The following ATP11A variants were observed in gnomAD, a reference collection of about 807,000 sequenced individuals.
The protein encoded by ATP11A is ATPase phospholipid transporting 11A, also known as phospholipid-transporting ATPase IH.
ATP11A carries 81 observed loss-of-function variants against 154.4 expected under a neutral mutation model. That is an observed-to-expected ratio of 0.52 (90% confidence interval 0.44 to 0.63). The LOEUF is 0.63. Ranked by LOEUF, ATP11A falls within the 30% of genes least tolerant of loss-of-function variation. ATP11A has a pLI of 0.00. For synonymous variants in ATP11A, 623 were observed against 585.9 expected (o/e 1.06, Z -0.91); for missense variants, 1,316 against 1,474.3 (o/e 0.89, Z 1.76).
At chr13:112,851,364 T>G (rs2079761345) in intron 18 of ATP11A, 146 bp downstream of exon 18, 2 of 707,616 alleles carry the variant, frequency 2.8e-6, no homozygotes, top group Admixed American at 5.7e-5. Context: ...GCTAGGTGTC[T>G]TGCTACACCC....
chr13:112,783,778 C>T (rs375029413), intron 1 of ATP11A, among the ~76,000 whole-genome samples: 3 of 152,230 alleles, frequency 2.0e-5, no homozygotes, highest in Non-Finnish European at 2.9e-5. Flanking sequence ...TTTCCCGTTA[C>T]GAGCTAAAGT....
intron 1 of ATP11A, among the ~76,000 whole-genome samples, chr13:112,727,857 G>C (rs1181458602): frequency 6.6e-6 from 1 of 152,272 alleles, no homozygotes; most frequent in Non-Finnish European, 1.5e-5. Context: ...CTCGGCTCCA[G>C]GTGCATCTTG....
At chr13:112,782,366 C>T (rs895296225) in intron 1 of ATP11A, among the ~76,000 whole-genome samples, 2 of 152,210 alleles carry the variant, frequency 1.3e-5, no homozygotes, top group African/African-American at 4.8e-5. Context: ...CAGTTGCCGT[C>T]TTTGAAGCTT....
At chr13:112,781,302 A>G (rs2140008166) in intron 1 of ATP11A, among the ~76,000 whole-genome samples, 1 of 152,014 alleles carries the variant, frequency 6.6e-6, no homozygotes, top group East Asian at 1.9e-4. Context: ...CGCCTCCCAA[A>G]GTGCTGGGAT....
Position 112,825,431 on chromosome 13 carries a change from T to G in ATP11A, c.874T>G (p.Ser292Ala). 3.7e-6 allele frequency: 6 copies of G among 1,608,522 alleles called. No individual in the cohort carries two copies. The highest frequency in any genetic ancestry group is 5.1e-6 in the Non-Finnish European group (6 of 1,177,234). The change falls in exon 11 of 30, where the codon TCG (serine) becomes GCG (alanine). Residue 292 changes from serine (S) to alanine (A), a missense_variant and splice_region_variant. Ser to Ala is a moderately conservative substitution (Grantham distance 99, BLOSUM62 1). Coordinates refer to ENST00000375645, the MANE Select transcript of ATP11A (RefSeq NM_015205.3). ...ATCACCTCTGTCCTTTTGTTTTAGATCGATGAATGCGTTCCTCATTGTGTA... is the reference window on the plus strand; with the variant it reads ...ATCACCTCTGTCCTTTTGTTTTAGAGCGATGAATGCGTTCCTCATTGTGTA... ...KSQKRSAVEK[S>A]MNAFLIVYLC...
rs954333285 is a variant in ATP11A at position 112,886,062 on chromosome 13, C to G, written c.*4196C>G. 3.3e-5 allele frequency: 5 copies of G among 152,362 alleles called. No homozygotes were observed. Among genetic ancestry groups the G allele is most frequent in the African/African-American group, 7.2e-5 (3 of 41,472 alleles). 9.4% of individuals were successfully genotyped at this position (152,362 alleles called of 1,614,324 possible). A position where few individuals can be genotyped will look rare whatever the true frequency, so the allele number is the denominator to read the frequency against. ...CGCCGCACCTCATCCGTGCACGCGT[C>G]GGAGCACGGCCAGCCTTCCGCCACG... On this transcript the variant is annotated 3_prime_UTR_variant, in exon 30 of 30. Coordinates refer to ENST00000375645, the MANE Select transcript of ATP11A (RefSeq NM_015205.3).
intron 1 of ATP11A, among the ~76,000 whole-genome samples, chr13:112,719,962 C>T (rs752617287): frequency 1.2e-4 from 19 of 152,190 alleles, no homozygotes; most frequent in East Asian, 3.8e-4. Flanking sequence ...CCCAAGTGCC[C>T]ACAATCATAT....
At chr13:112,788,828 T>G (rs1431503396) in intron 2 of ATP11A, among the ~76,000 whole-genome samples, 1 of 151,490 alleles carries the variant, frequency 6.6e-6, no homozygotes, top group Non-Finnish European at 1.5e-5. Flanking sequence ...CATCCTGACC[T>G]GTAGACCCCT....
Position 112,851,101 on chromosome 13 carries a change from G to A in ATP11A, c.1874G>A (p.Cys625Tyr). Residue 625 changes from cysteine (C) to tyrosine (Y), a missense_variant, in exon 18 of 30, where the codon TGT becomes TAT. This residue lies in a region of ATP11A where 876 missense variants were observed against 1,006.8 expected (regional missense o/e 0.87). Coordinates refer to ENST00000375645, the MANE Select transcript of ATP11A (RefSeq NM_015205.3). ...ATCCAAGAAGAATATGAAGGCATTT[G>A]TAAGCTGCTGCAGGCTGCCAAAGTG... is the stretch of plus-strand genomic sequence containing the variant. ...RLIQEEYEGI[C>Y]KLLQAAKVAL... The A allele has an allele frequency of 6.2e-7, 1 of 1,614,242 alleles. No individual in the cohort carries two copies. The highest frequency in any genetic ancestry group is 8.5e-7 in the Non-Finnish European group (1 of 1,180,038).
At chr13:112,857,771 C>G (rs757081586) in intron 20 of ATP11A, 47 bp from the exon 21 acceptor site, 37 of 1,480,492 alleles carry the variant, frequency 2.5e-5, no homozygotes, top group Non-Finnish European at 3.5e-5. Flanking sequence ...ATAACCTGTT[C>G]AGAAGTGAAA....
chr13:112,744,262 C>G (rs572518216), intron 1 of ATP11A, among the ~76,000 whole-genome samples: 47 of 150,896 alleles, frequency 3.1e-4, no homozygotes, highest in African/African-American at 1.1e-3. Context: ...TCTCTGTCCT[C>G]CCGGCACCCG....
At chr13:112,760,327 G>GC (rs1477602496) in intron 1 of ATP11A, among the ~76,000 whole-genome samples, 1 of 152,142 alleles carries the variant, frequency 6.6e-6, no homozygotes, top group African/African-American at 2.4e-5. Context: ...TGTGTATAGG[G>GC]CCCCCGCCGA....
intron 17 of ATP11A, among the ~76,000 whole-genome samples, chr13:112,844,792 G>A (rs113695052): frequency 5.7e-3 from 377 of 65,754 alleles, no homozygotes; most frequent in African/African-American, 0.02. Flanking sequence ...TCCAGTTGCC[G>A]GGTGTTAGTG....
At chr13:112,756,716 G>A (rs951319216) in intron 1 of ATP11A, among the ~76,000 whole-genome samples, 1 of 152,212 alleles carries the variant, frequency 6.6e-6, no homozygotes, top group Non-Finnish European at 1.5e-5. Context: ...CCTTTCTTCT[G>A]GGGCACGGCC....
intron 1 of ATP11A, among the ~76,000 whole-genome samples, chr13:112,712,665 CCA>C (rs1392129828): frequency 6.6e-6 from 1 of 152,244 alleles, no homozygotes; most frequent in Non-Finnish European, 1.5e-5. Context: ...CGTCAGTGCC[CCA>C]CAGAGACTGG....
At chr13:112,794,888 A>G (rs901453445) in intron 2 of ATP11A, among the ~76,000 whole-genome samples, 2 of 150,880 alleles carry the variant, frequency 1.3e-5, no homozygotes, top group African/African-American at 4.9e-5. Flanking sequence ...AGAAAAGAAA[A>G]AAAGAATAAA....
Position 112,882,190 on chromosome 13 carries a change from T to A in ATP11A, c.*324T>A. The A allele has an allele frequency of 2.5e-6, 3 of 1,213,256 alleles. No individual in the cohort carries two copies. The highest frequency in any genetic ancestry group is 3.3e-6 in the Non-Finnish European group (3 of 922,944). The allele number at this position is 1,213,256 out of a possible 1,614,324, so 75.2% of individuals were successfully genotyped here. On this transcript the variant is annotated 3_prime_UTR_variant, in exon 30 of 30. Coordinates refer to ENST00000375645, the MANE Select transcript of ATP11A (RefSeq NM_015205.3). The surrounding 1 kb of genome is among the most constrained non-coding windows in gnomAD (Gnocchi z 5.1). ...GGCCGCCTGGACCCAGCACTGTGGT[T>A]GTTGAGCCACACCAGTGGCCTCTGG...
At chr13:112,831,234 G>A in intron 12 of ATP11A, 141 bp from the exon 13 acceptor site, 5 of 919,266 alleles carry the variant, frequency 5.4e-6, no homozygotes, top group Non-Finnish European at 8.2e-6. Flanking sequence ...GAGGGGGTCT[G>A]TCTGGGGGAA....
intron 9 of ATP11A, 44 bp downstream of exon 9, chr13:112,823,453 G>A (rs762544966): frequency 6.7e-7 from 1 of 1,494,600 alleles, no homozygotes; most frequent in South Asian, 1.2e-5. Context: ...TAACATTAAG[G>A]ATGCATGAAG....
Sources: allele counts gnomAD v4.1 joint callset (sites outside exome capture counted in the v4.1 genomes callset), GRCh38; gene constraint gnomAD v4.1.1; regional missense constraint gnomAD v4.1.1; non-coding constraint Gnocchi (gnomAD v3.1); transcripts MANE v1.5; gene names NCBI Gene and HGNC (gene_info 2026-07-23, HGNC 2026-07-21).